The following ADAMTS18 variants were observed in gnomAD, a reference collection of about 807,000 sequenced individuals.
ADAMTS18 encodes A disintegrin and metalloproteinase with thrombospondin motifs 18.
A neutral mutation model predicts 165.9 loss-of-function variants in ADAMTS18; 157 were observed. The ratio of observed to expected loss-of-function variants is 0.95; its 90% CI spans 0.83 to 1.08. The LOEUF is 1.08. Among genes scored for constraint, ADAMTS18 ranks in the 50% least tolerant of loss-of-function variants. The pLI is 0.00. For missense variants in ADAMTS18, 2,040 were observed against 1,534.0 expected (o/e 1.33, Z -5.51); for synonymous variants, 782 against 578.2 (o/e 1.35, Z -5.06).
chr16:77,333,024 A>C (rs971220842), intron 12 of ADAMTS18, among the ~76,000 whole-genome samples: 6 of 152,178 alleles, frequency 3.9e-5, no homozygotes, highest in Admixed American at 3.9e-4. Flanking sequence ...GACACTCACA[A>C]GGTTTGCCGG....
At chr16:77,433,110 C>T (rs1295250745) in intron 2 of ADAMTS18, among the ~76,000 whole-genome samples, 1 of 152,174 alleles carries the variant, frequency 6.6e-6, no homozygotes, top group African/African-American at 2.4e-5. Flanking sequence ...AAATCTGATA[C>T]ATTGCTTTAA....
At chr16:77,326,675 A>G (rs887091609) in intron 12 of ADAMTS18, among the ~76,000 whole-genome samples, 6 of 152,174 alleles carry the variant, frequency 3.9e-5, no homozygotes, top group Non-Finnish European at 8.8e-5. Context: ...GAACCAATGC[A>G]CCCAGCCTGA....
chr16:77,357,201 C>G (rs1443572410), intron 8 of ADAMTS18, among the ~76,000 whole-genome samples: 2 of 151,888 alleles, frequency 1.3e-5, no homozygotes, highest in Non-Finnish European at 2.9e-5. Context: ...GTAGTCTATA[C>G]CAAATAAATA....
intron 3 of ADAMTS18, among the ~76,000 whole-genome samples, chr16:77,378,524 G>A (rs890963988): frequency 6.6e-6 from 1 of 151,986 alleles, no homozygotes; most frequent in Non-Finnish European, 1.5e-5. Flanking sequence ...AGACTAGCCT[G>A]GCTAAAATGG....
intron 3 of ADAMTS18, among the ~76,000 whole-genome samples, chr16:77,419,384 C>A (rs1009213529): frequency 6.6e-6 from 1 of 152,134 alleles, no homozygotes; most frequent in Non-Finnish European, 1.5e-5. Context: ...TCACTCAGCT[C>A]TCTGACACCC....
At chr16:77,394,012 T>A (rs2057224744) in intron 3 of ADAMTS18, among the ~76,000 whole-genome samples, 1 of 152,240 alleles carries the variant, frequency 6.6e-6, no homozygotes, top group Non-Finnish European at 1.5e-5. Flanking sequence ...GCTGAGATAT[T>A]TGATTCAAGT....
At chr16:77,314,172 C>T (rs2055836491) in intron 16 of ADAMTS18, among the ~76,000 whole-genome samples, 1 of 152,058 alleles carries the variant, frequency 6.6e-6, no homozygotes, top group South Asian at 2.1e-4. Context: ...TGGGTATCTC[C>T]AGTTAGGAAG....
chr16:77,323,911 CTGTTGCATGCA>C (rs1479818284), intron 13 of ADAMTS18, among the ~76,000 whole-genome samples: 1 of 152,204 alleles, frequency 6.6e-6, no homozygotes, highest in African/African-American at 2.4e-5. Flanking sequence ...CAGTAAACAT[CTGTTGCATGCA>C]TGAATGAAAT....
chr16:77,311,779 C>T (rs891435291), intron 16 of ADAMTS18, among the ~76,000 whole-genome samples: 3 of 150,514 alleles, frequency 2.0e-5, no homozygotes, highest in South Asian at 2.1e-4. Context: ...AAGCAAGGCA[C>T]GTCCAATTAA....
At chr16:77,318,540 G>T (rs1267750613) in intron 16 of ADAMTS18, among the ~76,000 whole-genome samples, 1 of 152,136 alleles carries the variant, frequency 6.6e-6, no homozygotes, top group Non-Finnish European at 1.5e-5. Context: ...GGAAATGAAT[G>T]CATGAAACTG....
rs1597180133 is a variant in ADAMTS18, at chr16:77,367,510, G to C, written c.709C>G (p.Gln237Glu). The change falls in exon 4 of 23, where the codon CAG (glutamine) becomes GAG (glutamate). Residue 237 changes from glutamine (Q) to glutamate (E), a missense_variant. By Grantham distance (29) the Gln-to-Glu change is conservative. Coordinates refer to ENST00000282849, the MANE Select transcript of ADAMTS18 (RefSeq NM_199355.4). ...TGGTGATACTCTGTCTCTCGACTCT[G>C]AGATGCATGGGGAATGTGACTTGGG... The part of the protein sequence containing the change: ...YSPSHIPHAS[Q>E]SRETEYHHRR... 4.3e-6 allele frequency: 7 copies of C among 1,614,218 alleles called. No homozygotes were observed. Among genetic ancestry groups the C allele is most frequent in the Non-Finnish European group, 4.2e-6 (5 of 1,180,040 alleles).
At position 77,298,578 on chromosome 16, in the gene ADAMTS18, G is replaced by C. The variant is rs183348258; in HGVS notation, c.2675-1163C>G. ...AGGTCAAGGAAGGCGGACTGCTTGA[G>C]GCCAGGAGTTTGACACCAGCCTGGG... On this transcript the variant is annotated intron_variant, in intron 17 of 22. Transcript: ENST00000282849. Among the ~76,000 whole-genome samples the C allele has an allele frequency of 9.5e-3, 1,444 of 152,190 alleles. 13 individuals carry two copies. The highest frequency in any genetic ancestry group is 0.012 in the Non-Finnish European group (828 of 68,010).
At chr16:77,420,224 ATATGTCTTC>A (rs2057584365) in intron 3 of ADAMTS18, among the ~76,000 whole-genome samples, 1 of 151,922 alleles carries the variant, frequency 6.6e-6, no homozygotes, top group African/African-American at 2.4e-5. Flanking sequence ...TTTCAAAATA[ATATGTCTTC>A]AAAAAGTCAT....
chr16:77,362,365 G>A, intron 6 of ADAMTS18, 101 bp from the exon 7 acceptor site: 3 of 1,346,012 alleles, frequency 2.2e-6, no homozygotes, highest in East Asian at 2.3e-5. Flanking sequence ...TATTTCTAGG[G>A]AAAAAGATCA....
At chr16:77,361,985 C>T (rs2056721514) in intron 7 of ADAMTS18, 120 bp downstream of exon 7, 2 of 1,186,784 alleles carry the variant, frequency 1.7e-6, no homozygotes, top group Non-Finnish European at 2.4e-6. Flanking sequence ...TAGGTTACTC[C>T]ATAATTTAAA....
chr16:77,382,215 G>A (rs2057041139), intron 3 of ADAMTS18, among the ~76,000 whole-genome samples: 1 of 150,250 alleles, frequency 6.7e-6, no homozygotes, highest in African/African-American at 2.4e-5. Context: ...TTGTTTGTTT[G>A]TTTGTTTGTT....
intron 10 of ADAMTS18, among the ~76,000 whole-genome samples, chr16:77,347,653 T>C (rs1404921571): frequency 6.6e-6 from 1 of 152,184 alleles, no homozygotes; most frequent in African/African-American, 2.4e-5. Context: ...TGATATTGAG[T>C]ACCATTTCAT....
Position 77,291,457 on chromosome 16 carries a change from C to A in ADAMTS18, c.3211G>T (p.Gly1071Cys), listed in dbSNP as rs773382041. 6.2e-7 allele frequency: 1 copy of A among 1,614,044 alleles called. No individual in the cohort carries two copies. Among genetic ancestry groups the A allele is most frequent in the East Asian group, 2.2e-5 (1 of 44,888 alleles). The change falls in exon 21 of 23, where the codon GGT becomes TGT. Residue 1071 changes from glycine to cysteine, a missense_variant. Transcript: ENST00000282849. Reference protein sequence around the residue: ...WSECSATCGLGVRKREMKCSE... With the variant: ...WSECSATCGLCVRKREMKCSE... ...CACTTCATCTCCCTCTTCCTCACACCCAAACCACAGGTTGCAGAACACTAG... is the reference window on the plus strand; with the variant it reads ...CACTTCATCTCCCTCTTCCTCACACACAAACCACAGGTTGCAGAACACTAG...
chr16:77,394,360 C>A (rs766487888), intron 3 of ADAMTS18, among the ~76,000 whole-genome samples: 1 of 152,104 alleles, frequency 6.6e-6, no homozygotes, highest in Non-Finnish European at 1.5e-5. Flanking sequence ...TATATCCTCT[C>A]CGAGCTTCAG....
Sources: gnomAD v4.1 joint callset for allele counts (sites outside exome capture counted in the v4.1 genomes callset) on GRCh38, gnomAD v4.1.1 for gene constraint, MANE v1.5 for transcripts, NCBI Gene and HGNC (gene_info 2026-07-23, HGNC 2026-07-21) for gene names.